IRF3: variants seen among roughly 807,000 people sequenced by gnomAD.
IRF3 encodes the protein interferon regulatory factor 3.
A neutral mutation model predicts 43.2 loss-of-function variants in IRF3; 29 were observed. That is an observed-to-expected ratio of 0.67 (90% CI 0.50 to 0.91). The LOEUF (loss-of-function observed/expected upper bound fraction) is 0.91. Among genes scored for constraint, IRF3 ranks in the 40% least tolerant of loss-of-function variants. The probability of loss-of-function intolerance (pLI) is 0.00; values close to 1 mark genes in which losing one functional copy is unlikely to be tolerated. For missense variants in IRF3, 505 were observed against 559.1 expected, an observed-to-expected ratio of 0.90 and a Z score of 0.98; for synonymous variants, 228 against 233.9, an observed-to-expected ratio of 0.97 and a Z score of 0.23.
intron 1 of IRF3, 157 bp from the exon 2 acceptor site, chr19:49,665,003 C>G (rs2081598955): frequency 6.8e-6 from 5 of 734,794 alleles, no homozygotes; most frequent in Admixed American, 3.0e-5. Context: ...TCCCATCCTC[C>G]CATCCTCCCG....
chr19:49,662,709 G>A (rs2122643590), intron 4 of IRF3, 92 bp from the exon 5 acceptor site: 4 of 1,079,988 alleles, frequency 3.7e-6, no homozygotes, highest in Middle Eastern at 2.1e-4. Flanking sequence ...AACGCAGGGA[G>A]GTCAGGCTTG....
intron 6 of IRF3, among the ~76,000 whole-genome samples, chr19:49,661,184 C>A (rs1686363237): frequency 6.6e-6 from 1 of 152,224 alleles, no homozygotes; most frequent in South Asian, 2.1e-4. Flanking sequence ...AAGGTTATTT[C>A]AGTTTAAATT....
chr19:49,665,475 G>T, intron 1 of IRF3, 156 bp downstream of exon 1: 1 of 220,310 alleles, frequency 4.5e-6, no homozygotes, highest in South Asian at 9.2e-5. Context: ...TAGTTTTTCT[G>T]CAGCCGACCT....
rs770719440 is a variant in IRF3, at chr19:49,659,755, G to C, written c.1177C>G (p.Leu393Val). 1 of 1,613,910 alleles carries C rather than the reference G, an allele frequency of 6.2e-7. No individual in the cohort carries two copies. Among genetic ancestry groups the C allele is most frequent in the East Asian group, 2.2e-5 (1 of 44,868 alleles). ...GASSLENTVD[L>V]HISNSHPLSL... ...AGTGGGTGGCTGTTGGAAATGTGCA[G>C]GTCCACAGTATTCTCCAGGGAGGAG... Residue 393 changes from leucine (L) to valine (V), a missense_variant, in exon 8 of 8, where the codon CTG becomes GTG. Transcript: ENST00000377139.
chr19:49,664,428 C>T (rs1599876328), intron 2 of IRF3: 1 of 1,485,786 alleles, frequency 6.7e-7, no homozygotes. Flanking sequence ...GGATGCATTT[C>T]CTTTGCGTAC....
At position 49,659,988 on chromosome 19, in the gene IRF3, C is replaced by CACACACACAT. The variant is rs763005885; in HGVS notation, c.1099-156_1099-155insATGTGTGTGT. ...GGCTGCTGGGAGTTGTAGTTTTACA[C>CACACACACAT]ACACACACACACACACACACACACA... On this transcript the variant is annotated intron_variant, in intron 7 of 7. Coordinates refer to ENST00000377139, the MANE Select transcript of IRF3 (RefSeq NM_001571.6). 5.4e-4 allele frequency among the ~76,000 whole-genome samples: 38 copies of CACACACACAT among 69,942 alleles called. 2 individuals carry two copies. Among genetic ancestry groups the CACACACACAT allele is most frequent in the African/African-American group, 1.8e-3 (26 of 14,104 alleles). The allele number at this position is 69,942 out of a possible 152,430, so 45.9% of individuals were successfully genotyped here.
Position 49,665,691 on chromosome 19 carries a change from G to A in IRF3, c.-69C>T, listed in dbSNP as rs745580567. 15 of 1,253,860 alleles carry A rather than the reference G, an allele frequency of 1.2e-5. No homozygotes were observed. Among genetic ancestry groups the A allele is most frequent in the Non-Finnish European group, 1.6e-5 (15 of 914,758 alleles). The allele number at this position is 1,253,860 out of a possible 1,614,324, so 77.7% of individuals were successfully genotyped here. On this transcript the variant is annotated 5_prime_UTR_variant, in exon 1 of 8. Transcript: ENST00000377139. ...ACCCACCCCTGTCTTGGAGCTCCGG[G>A]TAGCTCTCAAACTCGAGGCTGCGCA...
chr19:49,662,210 T>C lies in IRF3; in HGVS notation c.720A>G (p.Gly240=), dbSNP rs1249459932. Residue 240 remains glycine, a synonymous_variant, in exon 6 of 8, where the codon GGA becomes GGG. Coordinates refer to ENST00000377139, the MANE Select transcript of IRF3 (RefSeq NM_001571.6). ...CAGGGTCTGGCAGTGTGACTGGCCA[T>C]CCAGGCAGCGTCCTGTCTCCCACTT... ...GSEVGDRTLP[G]WPVTLPDPGM... is the part of the protein sequence containing the mutation. The C allele has an allele frequency of 6.2e-7, 1 of 1,613,932 alleles. No individual in the cohort carries two copies. The highest frequency in any genetic ancestry group is 1.7e-5 in the Admixed American group (1 of 60,014).
chr19:49,665,815 CA>C lies in IRF3; in HGVS notation c.-194del, dbSNP rs1407543676. The stretch of plus-strand genomic sequence containing the variant: ...TTTATCATTCTTTGGGTAACAGACC[CA>C]AAAGCCGATGGGACGGCCCGCTGGG... On this transcript the variant is annotated 5_prime_UTR_variant, in exon 1 of 8. Transcript: ENST00000377139. 5.0e-6 allele frequency: 8 copies of C among 1,584,768 alleles called. No individual in the cohort carries two copies. The highest frequency in any genetic ancestry group is 6.9e-6 in the Non-Finnish European group (8 of 1,158,500).
chr19:49,663,604 A>C lies in IRF3; in HGVS notation c.166-90T>G, dbSNP rs556247262. Reference sequence around the variant, plus strand: ...ACCCTGTCTCCCGAGTCCTAACACCACCCTCTTTCCCTGGCAAGTTCTAAC... The same window carrying C: ...ACCCTGTCTCCCGAGTCCTAACACCCCCCTCTTTCCCTGGCAAGTTCTAAC... On this transcript the variant is annotated intron_variant, in intron 2 of 7. Coordinates refer to ENST00000377139, the MANE Select transcript of IRF3 (RefSeq NM_001571.6). The C allele has an allele frequency of 3.1e-4, 395 of 1,270,882 alleles. 1 individual carries two copies. Among genetic ancestry groups the C allele is most frequent in the African/African-American group, 2.3e-3 (155 of 67,446 alleles). The allele number at this position is 1,270,882 out of a possible 1,614,324, so 78.7% of individuals were successfully genotyped here. A position where few individuals can be genotyped will look rare whatever the true frequency, so the allele number is the denominator to read the frequency against.
rs1383697578 is a variant in IRF3, at chr19:49,663,204, C to T, written c.392G>A (p.Ser131Asn). Residue 131 changes from serine (S) to asparagine (N), a missense_variant, in exon 4 of 8, where the codon AGT becomes AAT. Ser to Asn is a conservative substitution (Grantham distance 46). Transcript: ENST00000377139. ...DTSPDTNGGG[S>N]TSDTQEDILD... is the part of the protein sequence containing the mutation. ...CATTCTCACCTGGGTATCAGAAGTA[C>T]TGCCTCCACCATTGGTGTCCGGAGA... The T allele has an allele frequency of 1.4e-5, 23 of 1,613,912 alleles. No individual in the cohort carries two copies. The highest frequency in any genetic ancestry group is 1.9e-5 in the Non-Finnish European group (23 of 1,179,950).
chr19:49,664,928 T>A (rs1213372272), intron 1 of IRF3, 82 bp from the exon 2 acceptor site: 2 of 1,414,530 alleles, frequency 1.4e-6, no homozygotes, highest in Non-Finnish European at 1.9e-6. Context: ...CAGACCTCCT[T>A]CTCACGGGCC....
chr19:49,662,611 T>C lies in IRF3; in HGVS notation c.415A>G (p.Ile139Val). The part of the protein sequence containing the change: ...GGSTSDTQED[I>V]LDELLGNMVL... ...ATGTTACCCAGTAACTCATCCAGAA[T>C]GTCTTCCTGGAGGGAAACAAAAAAA... Residue 139 changes from isoleucine to valine, a missense_variant, in exon 5 of 8, where the codon ATT (isoleucine) becomes GTT (valine). Coordinates refer to ENST00000377139, the MANE Select transcript of IRF3 (RefSeq NM_001571.6). 6.6e-7 allele frequency: 1 copy of C among 1,526,636 alleles called. No individual in the cohort carries two copies. The highest frequency in any genetic ancestry group is 8.8e-7 in the Non-Finnish European group (1 of 1,140,600). The allele number at this position is 1,526,636 out of a possible 1,614,324, so 94.6% of individuals were successfully genotyped here.
chr19:49,662,305 A>C lies in IRF3; in HGVS notation c.625T>G (p.Phe209Val). ...TGGAAGACTTGGCGGCCCCGGTAGAAGGCTGTCACCTCGAACTCCCACTCT... is the reference window on the plus strand; with the variant it reads ...TGGAAGACTTGGCGGCCCCGGTAGACGGCTGTCACCTCGAACTCCCACTCT... ...GEEWEFEVTA[F>V]YRGRQVFQQT... is the part of the protein sequence containing the mutation. Residue 209 changes from phenylalanine (F) to valine (V), a missense_variant, in exon 6 of 8, where the codon TTC (phenylalanine) becomes GTC (valine). Phe to Val is a conservative substitution (Grantham distance 50). Transcript: ENST00000377139. 2.5e-6 allele frequency: 4 copies of C among 1,613,726 alleles called. No individual in the cohort carries two copies. The highest frequency in any genetic ancestry group is 3.4e-6 in the Non-Finnish European group (4 of 1,180,026).
chr19:49,663,517 G>A lies in IRF3; in HGVS notation c.166-3C>T, dbSNP rs774344281. The A allele has an allele frequency of 6.2e-7, 1 of 1,613,686 alleles. No individual in the cohort carries two copies. Among genetic ancestry groups the A allele is most frequent in the Admixed American group, 1.7e-5 (1 of 60,000 alleles). Reference sequence around the variant, plus strand: ...GCACCAGTGGCCTCGGCCCAGGCCTGGGGCAACAGTGGTGTCAGGATGGTG... The same window carrying A: ...GCACCAGTGGCCTCGGCCCAGGCCTAGGGCAACAGTGGTGTCAGGATGGTG... On this transcript the variant is annotated splice_polypyrimidine_tract_variant and splice_region_variant and intron_variant, in intron 2 of 7. Transcript: ENST00000377139.
chr19:49,665,746 C>CGCT lies in IRF3; in HGVS notation c.-127_-125dup. On this transcript the variant is annotated 5_prime_UTR_variant, in exon 1 of 8. Coordinates refer to ENST00000377139, the MANE Select transcript of IRF3 (RefSeq NM_001571.6). ...CTTTCCCGTCAGCTGAGCTCTAGAG[C>CGCT]GCTGGGGCTTTCTTTTTGATCGACT... 6.6e-7 allele frequency: 1 copy of CGCT among 1,520,164 alleles called. No individual in the cohort carries two copies. The highest frequency in any genetic ancestry group is 8.9e-7 in the Non-Finnish European group (1 of 1,128,408). The allele number at this position is 1,520,164 out of a possible 1,614,324, so 94.2% of individuals were successfully genotyped here. A position where few individuals can be genotyped will look rare whatever the true frequency, so the allele number is the denominator to read the frequency against.
rs1365784017 is a variant in IRF3, at chr19:49,661,962, C to G, written c.968G>C (p.Gly323Ala). The G allele has an allele frequency of 1.9e-6, 3 of 1,610,334 alleles. No individual in the cohort carries two copies. The highest frequency in any genetic ancestry group is 2.5e-6 in the Non-Finnish European group (3 of 1,177,774). The change falls in exon 6 of 8, where the codon GGG (glycine) becomes GCG (alanine). Residue 323 changes from glycine to alanine, a missense_variant. Physicochemically the swap from Gly to Ala is moderately conservative, Grantham distance 60 (BLOSUM62 0). Coordinates refer to ENST00000377139, the MANE Select transcript of IRF3 (RefSeq NM_001571.6). The stretch of plus-strand genomic sequence containing the variant: ...GTCTCACTCACCTACAATGAAGGGC[C>G]CCAGGTCAAACACGCCTCCTTCCTT... ...KDKEGGVFDL[G>A]PFIVDLITFT...
intron 4 of IRF3, 80 bp from the exon 5 acceptor site, chr19:49,662,697 G>A: frequency 8.5e-7 from 1 of 1,182,382 alleles, no homozygotes; most frequent in East Asian, 2.6e-5. Context: ...TCTGTTCTCA[G>A]CAACGCAGGG....
chr19:49,665,801 T>G lies in IRF3; in HGVS notation c.-179A>C, dbSNP rs781396979. The G allele has an allele frequency of 6.3e-7, 1 of 1,576,220 alleles. No individual in the cohort carries two copies. On this transcript the variant is annotated 5_prime_UTR_variant, in exon 1 of 8. Transcript: ENST00000377139. ...GAAATAAAACCAACTTTATCATTCT[T>G]TGGGTAACAGACCCAAAAGCCGATG...
Sources: allele counts gnomAD v4.1 joint callset (sites outside exome capture counted in the v4.1 genomes callset), GRCh38; gene constraint gnomAD v4.1.1; transcripts MANE v1.5; gene names NCBI Gene and HGNC (gene_info 2026-07-23, HGNC 2026-07-21).